The following FAR1 variants were observed in gnomAD, a reference collection of about 807,000 sequenced individuals.
The protein encoded by FAR1 is male sterility domain-containing protein 2.
FAR1 carries 22 observed loss-of-function variants against 61.1 expected under a neutral mutation model. The ratio of observed to expected loss-of-function variants is 0.36; its 90% confidence interval spans 0.26 to 0.51. FAR1 has a LOEUF of 0.51. Ranked by LOEUF, FAR1 falls within the 20% of genes least tolerant of loss-of-function variation. The pLI is 0.95. For missense variants in FAR1, 359 were observed against 626.9 expected (o/e 0.57, Z 4.56); for synonymous variants, 206 against 209.7 (o/e 0.98, Z 0.15).
chr11:13,688,077 T>C (rs1263776832), intron 1 of FAR1, among the ~76,000 whole-genome samples: 1 of 151,936 alleles, frequency 6.6e-6, no homozygotes, highest in African/African-American at 2.4e-5. Flanking sequence ...TGTGCACATA[T>C]ACCCTAAAAC....
intron 1 of FAR1, among the ~76,000 whole-genome samples, chr11:13,687,093 T>A (rs967144223): frequency 6.6e-6 from 1 of 152,236 alleles, no homozygotes; most frequent in African/African-American, 2.4e-5. Flanking sequence ...TTTCTCTTAG[T>A]GCATTTATAA....
intron 2 of FAR1, among the ~76,000 whole-genome samples, chr11:13,697,987 T>C (rs1848326378): frequency 6.6e-6 from 1 of 152,140 alleles, no homozygotes. Context: ...TCCTTATTAT[T>C]GCTGTTACCT....
At chr11:13,698,550 G>C (rs574926992) in intron 2 of FAR1, among the ~76,000 whole-genome samples, 1 of 152,126 alleles carries the variant, frequency 6.6e-6, no homozygotes, top group Non-Finnish European at 1.5e-5. Flanking sequence ...TGTCAATAGC[G>C]ACCGGGCTGG....
At position 13,690,038 on chromosome 11, in the gene FAR1, A is replaced by C. The variant is rs540312812; in HGVS notation, c.-7-4721A>C. 8.6e-5 allele frequency among the ~76,000 whole-genome samples: 13 copies of C among 151,658 alleles called. No individual in the cohort carries two copies. The South Asian group carries it at 1.5e-3, about 17-fold the overall frequency. The stretch of plus-strand genomic sequence containing the variant: ...TTAAAGGCGTGTGCCACCACGCCCG[A>C]CTAATTTTTGTATTTTTAGTAGAGA... On this transcript the variant is annotated intron_variant, in intron 1 of 11. Transcript: ENST00000354817.
intron 1 of FAR1, among the ~76,000 whole-genome samples, chr11:13,689,938 C>T (rs1024623752): frequency 6.8e-6 from 1 of 148,140 alleles, no homozygotes; most frequent in Non-Finnish European, 1.5e-5. Context: ...TGCAGTGGCA[C>T]GGTCTTGGCT....
intron 3 of FAR1, among the ~76,000 whole-genome samples, chr11:13,701,109 G>A (rs1848366372): frequency 6.6e-6 from 1 of 152,022 alleles, no homozygotes; most frequent in Non-Finnish European, 1.5e-5. Context: ...TCTGAATTCA[G>A]AGCATTCTTT....
intron 3 of FAR1, among the ~76,000 whole-genome samples, chr11:13,705,571 A>G (rs1450901322): frequency 1.3e-5 from 2 of 152,202 alleles, no homozygotes; most frequent in African/African-American, 4.8e-5. Context: ...CAAATGCAAA[A>G]GAAAATAGTG....
In FAR1 at chr11:13,700,451, A is replaced by G; in HGVS notation, c.324A>G (p.Ile108Met). Reference sequence around the variant, plus strand: ...TGATCATAGATTCTACCAATATTATATTCCACTGTGCAGCTACAGTAAGGT... The same window carrying G: ...TGATCATAGATTCTACCAATATTATGTTCCACTGTGCAGCTACAGTAAGGT... ...KEVIIDSTNIIFHCAATVRFN... is the reference protein window; with the variant it reads ...KEVIIDSTNIMFHCAATVRFN... Residue 108 changes from isoleucine (I) to methionine (M), a missense_variant, in exon 3 of 12, where the codon ATA becomes ATG. Ile to Met is a conservative substitution (Grantham distance 10, BLOSUM62 1). Transcript: ENST00000354817. 6.3e-7 allele frequency: 1 copy of G among 1,579,946 alleles called. No homozygotes were observed. The highest frequency in any genetic ancestry group is 8.6e-7 in the Non-Finnish European group (1 of 1,167,804).
chr11:13,670,030 AT>A (rs1474303708), intron 1 of FAR1: 1 of 152,368 alleles, frequency 6.6e-6, no homozygotes, highest in East Asian at 1.9e-4. Flanking sequence ...ACAAGTGAGA[AT>A]TAACGTATAA....
intron 10 of FAR1, among the ~76,000 whole-genome samples, chr11:13,727,017 T>C (rs1848673806): frequency 6.6e-6 from 1 of 152,028 alleles, no homozygotes; most frequent in South Asian, 2.1e-4. Flanking sequence ...AAGGCTTTCT[T>C]TTCTGGATTT....
At chr11:13,715,785 T>C (rs2134194987) in intron 9 of FAR1, 1 of 152,298 alleles carries the variant, frequency 6.6e-6, no homozygotes, top group South Asian at 2.1e-4. Context: ...TTTTTTTAAC[T>C]ACATTGGCAT....
chr11:13,719,451 A>G (rs939524527), intron 9 of FAR1, among the ~76,000 whole-genome samples: 24 of 152,200 alleles, frequency 1.6e-4, no homozygotes, highest in African/African-American at 5.1e-4. Context: ...GGGCCTTACT[A>G]TGATGCCTAA....
rs535559662 is a variant in FAR1 at position 13,694,696 on chromosome 11, T to C, written c.-7-63T>C. ...AATACTTATTTGAATACCAAGAGAT[T>C]TTTAGTATGAAAGAATGATGGTGAA... On this transcript the variant is annotated intron_variant, in intron 1 of 11. Coordinates refer to ENST00000354817, the MANE Select transcript of FAR1 (RefSeq NM_032228.6). The C allele has an allele frequency of 3.9e-5, 53 of 1,366,888 alleles. 1 individual carries two copies. In the South Asian group the frequency reaches 7.5e-4, roughly 19 times the overall value. 84.7% of individuals were successfully genotyped at this position (1,366,888 alleles called of 1,614,324 possible). A position where few individuals can be genotyped will look rare whatever the true frequency, so the allele number is the denominator to read the frequency against.
At chr11:13,708,447 G>GCGCGCACACACACACACACACA (rs139902063) in intron 4 of FAR1, among the ~76,000 whole-genome samples, 14 of 136,728 alleles carry the variant, frequency 1.0e-4, no homozygotes, top group African/African-American at 2.5e-4. Flanking sequence ...GCGCGCGCGC[G>GCGCGCACACACACACACACACA]CACACACACA....
chr11:13,728,369 A>G (rs17535412), intron 11 of FAR1, among the ~76,000 whole-genome samples: 2 of 151,958 alleles, frequency 1.3e-5, no homozygotes, highest in South Asian at 4.1e-4. Flanking sequence ...TCAAAAAAAA[A>G]GTTTGCTCTA....
Position 13,731,868 on chromosome 11 carries a change from A to C in FAR1, c.*3094A>C, listed in dbSNP as rs1041120658. The C allele has an allele frequency of 2.6e-5, 4 of 152,128 alleles. No homozygotes were observed. Among genetic ancestry groups the C allele is most frequent in the African/African-American group, 7.2e-5 (3 of 41,422 alleles). The allele number at this position is 152,128 out of a possible 1,614,324, so 9.4% of individuals were successfully genotyped here. On this transcript the variant is annotated 3_prime_UTR_variant, in exon 12 of 12. Coordinates refer to ENST00000354817, the MANE Select transcript of FAR1 (RefSeq NM_032228.6). ...TGGTAATTTATATGTCTATAGAGTA[A>C]GTATAAGAGATAATTCATTAGTAAT...
At chr11:13,694,410 G>T (rs1260546253) in intron 1 of FAR1, among the ~76,000 whole-genome samples, 1 of 152,120 alleles carries the variant, frequency 6.6e-6, no homozygotes, top group Non-Finnish European at 1.5e-5. Flanking sequence ...CCATTCATTT[G>T]TGTTTAGGGT....
rs1365961532 is a variant in FAR1 at position 13,691,614 on chromosome 11, GA to G, written c.-7-3143del. On this transcript the variant is annotated intron_variant, in intron 1 of 11. Coordinates refer to ENST00000354817, the MANE Select transcript of FAR1 (RefSeq NM_032228.6). Reference sequence around the variant, plus strand: ...CTGTTATGGATATTTCATATGAAAGGAATCATATAGTATGTGACCTTTTGTG... The same window carrying G: ...CTGTTATGGATATTTCATATGAAAGGATCATATAGTATGTGACCTTTTGTG... Among the ~76,000 whole-genome samples, 3 of 152,280 alleles carry G rather than the reference GA, an allele frequency of 2.0e-5. No homozygotes were observed. The East Asian group carries it at 5.8e-4, about 29-fold the overall frequency.
intron 1 of FAR1, among the ~76,000 whole-genome samples, chr11:13,677,481 A>G (rs568859043): frequency 6.6e-6 from 1 of 152,368 alleles, no homozygotes; most frequent in South Asian, 2.1e-4. Context: ...TTAGTCATTT[A>G]AATACATTCC....
Sources: allele counts gnomAD v4.1 joint callset (sites outside exome capture counted in the v4.1 genomes callset), GRCh38; gene constraint gnomAD v4.1.1; transcripts MANE v1.5; gene names NCBI Gene and HGNC (gene_info 2026-07-23, HGNC 2026-07-21).